The following CATSPERE variants were observed in gnomAD, a reference collection of about 807,000 sequenced individuals.
CATSPERE encodes the protein catsper channel auxiliary subunit epsilon.
CATSPERE carries 93 observed loss-of-function variants against 114.1 expected under a neutral mutation model. That is an observed-to-expected ratio of 0.81 (90% CI 0.69 to 0.97). The LOEUF is 0.97. CATSPERE is among the 50% of genes least tolerant of loss of function. CATSPERE has a pLI of 0.00. For missense variants in CATSPERE, 1,058 were observed against 1,131.6 expected (o/e 0.93, Z 0.93); for synonymous variants, 341 against 384.1 (o/e 0.89, Z 1.31).
At chr1:244,558,483 T>C (rs923415775) in intron 9 of CATSPERE, among the ~76,000 whole-genome samples, 10 of 152,200 alleles carry the variant, frequency 6.6e-5, no homozygotes, top group Non-Finnish European at 1.0e-4. Context: ...CTCTTCACTA[T>C]GTTGCCCATC....
chr1:244,455,659 T>A (rs1666084220), intron 1 of CATSPERE, among the ~76,000 whole-genome samples: 1 of 152,082 alleles, frequency 6.6e-6, no homozygotes, highest in African/African-American at 2.4e-5. Context: ...AAGGTCTTTT[T>A]TTCCTTCTCA....
chr1:244,489,020 A>G (rs1671517525), intron 5 of CATSPERE, among the ~76,000 whole-genome samples: 1 of 152,366 alleles, frequency 6.6e-6, no homozygotes, highest in Non-Finnish European at 1.5e-5. Context: ...GTCATGAGGC[A>G]CTGACTTTTA....
upstream of CATSPERE, chr1:244,457,653 T>G (rs898694398): frequency 6.6e-6 from 1 of 152,228 alleles, no homozygotes; most frequent in Non-Finnish European, 1.5e-5. Flanking sequence ...GAATGACTTA[T>G]GGTGACCTGG....
chr1:244,510,380 A>G (rs1344264409), intron 7 of CATSPERE, among the ~76,000 whole-genome samples: 1 of 152,110 alleles, frequency 6.6e-6, no homozygotes, highest in East Asian at 1.9e-4. Context: ...TTTCTTCCCT[A>G]GAATGTCCAC....
intron 6 of CATSPERE, among the ~76,000 whole-genome samples, chr1:244,498,530 G>T (rs1162823578): frequency 1.3e-5 from 2 of 152,318 alleles, no homozygotes; most frequent in African/African-American, 2.4e-5. Flanking sequence ...CAAATGTTAA[G>T]TTACAAGCGT....
At chr1:244,563,373 T>C (rs1274982687) in intron 10 of CATSPERE, among the ~76,000 whole-genome samples, 3 of 152,222 alleles carry the variant, frequency 2.0e-5, no homozygotes, top group Admixed American at 1.3e-4. Flanking sequence ...TAATTTACAC[T>C]GCTACCAACA....
At chr1:244,561,832 C>T (rs1331345988) in intron 10 of CATSPERE, among the ~76,000 whole-genome samples, 2 of 152,092 alleles carry the variant, frequency 1.3e-5, no homozygotes, top group African/African-American at 4.8e-5. Context: ...TCACCATTCT[C>T]ATTTCCCAAA....
chr1:244,491,411 A>C (rs1473839736), intron 6 of CATSPERE, among the ~76,000 whole-genome samples: 1 of 152,080 alleles, frequency 6.6e-6, no homozygotes, highest in Non-Finnish European at 1.5e-5. Flanking sequence ...ACAAAGACAC[A>C]ACATACCAGA....
intron 1 of CATSPERE, among the ~76,000 whole-genome samples, chr1:244,463,350 G>A (rs1041924915): frequency 6.6e-6 from 1 of 151,862 alleles, no homozygotes; most frequent in Non-Finnish European, 1.5e-5. Context: ...CTCCATCGCA[G>A]CAACATGGCA....
upstream of CATSPERE, among the ~76,000 whole-genome samples, chr1:244,461,190 C>G (rs1666683493): frequency 6.6e-6 from 1 of 152,170 alleles, no homozygotes; most frequent in South Asian, 2.1e-4. Context: ...TTCTGCCTTT[C>G]CTAAAATCTC....
At chr1:244,578,818 A>AT (rs1392599449) in intron 11 of CATSPERE, among the ~76,000 whole-genome samples, 1 of 60,034 alleles carries the variant, frequency 1.7e-5, no homozygotes, top group African/African-American at 8.3e-5. Flanking sequence ...ATATAGGTGC[A>AT]TATACATATA....
chr1:244,617,990 G>A (rs1671613051), intron 20 of CATSPERE, among the ~76,000 whole-genome samples: 1 of 152,134 alleles, frequency 6.6e-6, no homozygotes, highest in African/African-American at 2.4e-5. Context: ...TGGAGAAGGA[G>A]GAGTTGGGGG....
chr1:244,487,747 G>A (rs775719079), intron 5 of CATSPERE, among the ~76,000 whole-genome samples: 5 of 152,066 alleles, frequency 3.3e-5, no homozygotes, highest in African/African-American at 1.2e-4. Flanking sequence ...AGCATGGAGG[G>A]GAATCAGGGG....
chr1:244,631,397 C>T (rs186938679), intron 20 of CATSPERE, among the ~76,000 whole-genome samples: 1 of 152,156 alleles, frequency 6.6e-6, no homozygotes, highest in East Asian at 1.9e-4. Flanking sequence ...TCGCATATGG[C>T]TATGACTTTT....
At chr1:244,582,582 A>G (rs1313698216) in intron 12 of CATSPERE, among the ~76,000 whole-genome samples, 1 of 151,784 alleles carries the variant, frequency 6.6e-6, no homozygotes, top group East Asian at 1.9e-4. Context: ...TTGTATTTTT[A>G]GTAGAGACAT....
chr1:244,490,478 T>A lies in CATSPERE; in HGVS notation c.351+7T>A. 1 of 1,498,528 alleles carries A rather than the reference T, an allele frequency of 6.7e-7. No homozygotes were observed. The highest frequency in any genetic ancestry group is 9.3e-7 in the Non-Finnish European group (1 of 1,080,268). 92.8% of individuals were successfully genotyped at this position (1,498,528 alleles called of 1,614,324 possible). ...CTTTAACAACTTTACCCAGGTAAAA[T>A]ATTTTTTAAATTTTGTATAGCCTTC... On this transcript the variant is annotated splice_region_variant and intron_variant, in intron 6 of 21. Coordinates refer to ENST00000366534, the MANE Select transcript of CATSPERE (RefSeq NM_001130957.2).
At chr1:244,533,666 A>C (rs3005961) in intron 8 of CATSPERE, among the ~76,000 whole-genome samples, 151,167 of 152,268 alleles carry the variant, frequency 0.99, 75,047 homozygotes, top group Middle Eastern at 1. Flanking sequence ...TTAACCTTGT[A>C]CCCCTGCTTT....
intron 5 of CATSPERE, among the ~76,000 whole-genome samples, chr1:244,482,703 T>C (rs1432763479): frequency 1.3e-5 from 2 of 152,110 alleles, no homozygotes; most frequent in African/African-American, 2.4e-5. Flanking sequence ...CACATATGCA[T>C]TACCCAAATC....
chr1:244,519,096 T>C (rs1677105782), intron 8 of CATSPERE, among the ~76,000 whole-genome samples: 1 of 152,166 alleles, frequency 6.6e-6, no homozygotes, highest in African/African-American at 2.4e-5. Flanking sequence ...TAGTAGGTTA[T>C]CACAAGGTAT....
Sources: allele counts gnomAD v4.1 joint callset (sites outside exome capture counted in the v4.1 genomes callset), GRCh38; gene constraint gnomAD v4.1.1; transcripts MANE v1.5; gene names NCBI Gene and HGNC (gene_info 2026-07-23, HGNC 2026-07-21).